LINC00237: variants seen among roughly 807,000 people sequenced by gnomAD.
The protein encoded by LINC00237 is long intergenic non-protein coding RNA 237.
chr20:21,105,294 A>G (rs1020492803), intron 1 of LINC00237, among the ~76,000 whole-genome samples: 2 of 55,088 alleles, frequency 3.6e-5, no homozygotes, highest in African/African-American at 1.4e-4. Context: ...CCCGCCCCCC[A>G]CCCCAAGGTG....
At chr20:21,096,337 A>G (rs2030857456) in intron 1 of LINC00237, among the ~76,000 whole-genome samples, 1 of 152,204 alleles carries the variant, frequency 6.6e-6, no homozygotes, top group Non-Finnish European at 1.5e-5. Flanking sequence ...TCCTCAGTAC[A>G]TGACTCTCAT....
At chr20:21,088,638 C>G (rs2030746152) in intron 2 of LINC00237, among the ~76,000 whole-genome samples, 2 of 152,166 alleles carry the variant, frequency 1.3e-5, no homozygotes, top group Non-Finnish European at 2.9e-5. Flanking sequence ...TTGATAGTAT[C>G]TACACAGGGA....
intron 1 of LINC00237, among the ~76,000 whole-genome samples, chr20:21,099,179 G>A (rs2030897009): frequency 1.3e-5 from 2 of 152,196 alleles, no homozygotes; most frequent in South Asian, 2.1e-4. Flanking sequence ...TTGCTTTCAG[G>A]ATGCGAGTGC....
At chr20:21,100,279 T>A (rs1382480641) in intron 1 of LINC00237, among the ~76,000 whole-genome samples, 1 of 152,214 alleles carries the variant, frequency 6.6e-6, no homozygotes, top group African/African-American at 2.4e-5. Flanking sequence ...TTGGTTTGAC[T>A]GTACACCTGC....
At chr20:21,099,146 A>G (rs2030896719) in intron 1 of LINC00237, among the ~76,000 whole-genome samples, 1 of 152,186 alleles carries the variant, frequency 6.6e-6, no homozygotes, top group South Asian at 2.1e-4. Context: ...ATGGTTTTGG[A>G]TAAACCTGTG....
chr20:21,093,700 G>A (rs952331618), exon 2 of LINC00237: 5 of 152,216 alleles, frequency 3.3e-5, no homozygotes, highest in African/African-American at 4.8e-5. Flanking sequence ...TGGTGCCTAG[G>A]ATAATGCATC....
chr20:21,101,898 G>A lies in LINC00237; in HGVS notation n.88+4373C>T, dbSNP rs868629226. 6.6e-6 allele frequency among the ~76,000 whole-genome samples: 1 copy of A among 152,200 alleles called. No individual in the cohort carries two copies. Among genetic ancestry groups the A allele is most frequent in the African/African-American group, 2.4e-5 (1 of 41,456 alleles). On this transcript the variant is annotated intron_variant and non_coding_transcript_variant, in intron 1 of 3. Transcript: ENST00000691244. The surrounding 1 kb of genome is among the most constrained non-coding windows in gnomAD (Gnocchi z 4.3). ...GTGGTTGGGGGCGGAGTGCGGCGAG[G>A]GGTGAGGGCGCGACCGCCTTGGGGC...
chr20:21,098,859 G>C (rs940357552), intron 1 of LINC00237, among the ~76,000 whole-genome samples: 2 of 152,232 alleles, frequency 1.3e-5, no homozygotes, highest in African/African-American at 4.8e-5. Context: ...CAATGTGCAG[G>C]TTGCACGAAT....
chr20:21,105,342 C>G (rs1000288634), intron 1 of LINC00237, among the ~76,000 whole-genome samples: 1 of 143,382 alleles, frequency 7.0e-6, no homozygotes, highest in South Asian at 2.6e-4. Flanking sequence ...CCCTACCTGT[C>G]GAGGGCCTGC....
chr20:21,094,716 G>A (rs1007551984), intron 1 of LINC00237, among the ~76,000 whole-genome samples: 1 of 152,172 alleles, frequency 6.6e-6, no homozygotes, highest in Non-Finnish European at 1.5e-5. Context: ...TCTCACTACT[G>A]CATGCCAGCC....
intron 2 of LINC00237, chr20:21,092,994 C>T (rs545499207): frequency 6.6e-6 from 1 of 152,098 alleles, no homozygotes; most frequent in Non-Finnish European, 1.5e-5. Context: ...CCAGTGTGCT[C>T]AAGGTCATGT....
At chr20:21,086,066 G>T (rs1396576836) in intron 3 of LINC00237, among the ~76,000 whole-genome samples, 1 of 152,154 alleles carries the variant, frequency 6.6e-6, no homozygotes, top group Admixed American at 6.5e-5. Context: ...TCTCGTAAAG[G>T]GACTCTAAGC....
At chr20:21,097,606 A>G (rs2030877560) in intron 1 of LINC00237, among the ~76,000 whole-genome samples, 1 of 152,198 alleles carries the variant, frequency 6.6e-6, no homozygotes, top group Non-Finnish European at 1.5e-5. Flanking sequence ...GGTTTATTTC[A>G]TTTAAGTTAT....
chr20:21,104,855 G>A (rs1267473855), intron 1 of LINC00237, among the ~76,000 whole-genome samples: 1 of 152,062 alleles, frequency 6.6e-6, no homozygotes, highest in East Asian at 1.9e-4. Flanking sequence ...ACACAGGCGC[G>A]TACACACACA....
intron 2 of LINC00237, among the ~76,000 whole-genome samples, chr20:21,091,198 T>C (rs1246348092): frequency 4.6e-5 from 7 of 152,208 alleles, no homozygotes; most frequent in Admixed American, 2.6e-4. Context: ...CACACCTTTT[T>C]TTATGGCATC....
intron 1 of LINC00237, among the ~76,000 whole-genome samples, chr20:21,094,527 A>G (rs148087263): frequency 6.6e-6 from 1 of 152,336 alleles, no homozygotes; most frequent in Non-Finnish European, 1.5e-5. Flanking sequence ...GACTTTCTAC[A>G]TGAAATAGGA....
chr20:21,096,141 C>A (rs930225484), intron 1 of LINC00237, among the ~76,000 whole-genome samples: 2 of 152,148 alleles, frequency 1.3e-5, no homozygotes. Context: ...TTTCATTTTG[C>A]AGTTAAGAAA....
At chr20:21,099,452 A>G (rs58001520) in intron 1 of LINC00237, among the ~76,000 whole-genome samples, 7,171 of 152,224 alleles carry the variant, frequency 0.047, 519 homozygotes, top group African/African-American at 0.15. Flanking sequence ...CCTTCCTTGC[A>G]GATATTTCCA....
At chr20:21,086,645 T>C (rs2030703137) in intron 3 of LINC00237, among the ~76,000 whole-genome samples, 2 of 131,008 alleles carry the variant, frequency 1.5e-5, no homozygotes, top group Non-Finnish European at 3.2e-5. Flanking sequence ...CTATATATAG[T>C]ATACTATATA....
Sources: allele counts gnomAD v4.1 joint callset (sites outside exome capture counted in the v4.1 genomes callset), GRCh38; gene constraint gnomAD v4.1.1; non-coding constraint Gnocchi (gnomAD v3.1); transcripts MANE v1.5; gene names NCBI Gene and HGNC (gene_info 2026-07-23, HGNC 2026-07-21).